RNF130: variants seen among roughly 807,000 people sequenced by gnomAD.
RNF130 encodes the protein ring finger protein 130.
In RNF130, 21 loss-of-function variants were observed where a neutral mutation model predicts 44.6. The ratio of observed to expected loss-of-function variants is 0.47; its 90% CI spans 0.33 to 0.68. The LOEUF is 0.68. Among genes scored for constraint, RNF130 ranks in the 30% least tolerant of loss-of-function variants. The probability of loss-of-function intolerance (pLI) is 0.02; values close to 1 mark genes in which losing one functional copy is unlikely to be tolerated. For synonymous variants in RNF130, 214 were observed against 210.4 expected (o/e 1.02, Z -0.15); for missense variants, 479 against 560.6 (o/e 0.85, Z 1.47).
Position 180,058,779 on chromosome 5 carries a change from C to G in RNF130, c.247+12677G>C, listed in dbSNP as rs956416067. On this transcript the variant is annotated intron_variant, in intron 1 of 8. Transcript: ENST00000521389. ...GTTTCACCATGTTAGCCAGGCTGGTCTCGAACTCGTGACCTCAAGTGATCT... is the reference window on the plus strand; with the variant it reads ...GTTTCACCATGTTAGCCAGGCTGGTGTCGAACTCGTGACCTCAAGTGATCT... Among the ~76,000 whole-genome samples, 3 of 152,044 alleles carry G rather than the reference C, an allele frequency of 2.0e-5. No individual in the cohort carries two copies. In the East Asian group the frequency reaches 5.8e-4, roughly 29 times the overall value.
At chr5:180,050,844 G>A (rs774979467) in intron 1 of RNF130, among the ~76,000 whole-genome samples, 6 of 152,200 alleles carry the variant, frequency 3.9e-5, no homozygotes, top group Non-Finnish European at 8.8e-5. Context: ...GTTTCACTCT[G>A]TCGCCCAGGG....
At chr5:179,988,220 G>C (rs934876126) in intron 3 of RNF130, among the ~76,000 whole-genome samples, 15 of 152,152 alleles carry the variant, frequency 9.9e-5, no homozygotes, top group African/African-American at 2.9e-4. Context: ...TTTCCAGTAT[G>C]TTAGTGTATA....
At chr5:179,946,554 A>ATTTT (rs397701505) in intron 7 of RNF130, among the ~76,000 whole-genome samples, 52 of 140,702 alleles carry the variant, frequency 3.7e-4, no homozygotes, top group African/African-American at 1.3e-3. Context: ...CCCACCGGGG[A>ATTTT]TTTTTTTTTT....
intron 2 of RNF130, among the ~76,000 whole-genome samples, chr5:180,015,915 T>C (rs1763716646): frequency 6.6e-6 from 1 of 152,224 alleles, no homozygotes; most frequent in Admixed American, 6.5e-5. Flanking sequence ...CATTCAACAA[T>C]ATTTATTGAG....
At chr5:180,044,095 C>G (rs1196419686) in intron 1 of RNF130, among the ~76,000 whole-genome samples, 1 of 152,120 alleles carries the variant, frequency 6.6e-6, no homozygotes, top group Non-Finnish European at 1.5e-5. Flanking sequence ...TACACTTGAG[C>G]AATTTATTAA....
intron 7 of RNF130, among the ~76,000 whole-genome samples, chr5:179,947,818 G>C (rs1762066671): frequency 6.6e-6 from 1 of 151,984 alleles, no homozygotes; most frequent in Non-Finnish European, 1.5e-5. Context: ...ACTGCATATG[G>C]TATATATATA....
chr5:180,033,696 T>TAA (rs34698128), intron 2 of RNF130, among the ~76,000 whole-genome samples: 6 of 148,984 alleles, frequency 4.0e-5, no homozygotes, highest in Admixed American at 3.3e-4. Context: ...ACTCTGCCTT[T>TAA]AAAAAAAAAA....
At chr5:179,944,674 A>ATCTCT (rs1352168141) in intron 7 of RNF130, among the ~76,000 whole-genome samples, 1 of 151,092 alleles carries the variant, frequency 6.6e-6, no homozygotes, top group African/African-American at 2.4e-5. Flanking sequence ...AGGTGGGAGG[A>ATCTCT]TCTCTTGAGT....
chr5:180,026,861 C>G (rs1236290760), intron 2 of RNF130, among the ~76,000 whole-genome samples: 2 of 152,126 alleles, frequency 1.3e-5, no homozygotes, highest in East Asian at 3.9e-4. Context: ...ATGACACAAA[C>G]TTTAACTGCA....
At chr5:179,936,800 G>C (rs921493135) in intron 7 of RNF130, among the ~76,000 whole-genome samples, 7 of 152,188 alleles carry the variant, frequency 4.6e-5, no homozygotes, top group African/African-American at 1.4e-4. Context: ...AAAATTGAGA[G>C]TCCAGAAATA....
intron 3 of RNF130, among the ~76,000 whole-genome samples, chr5:179,998,576 T>C (rs1763253048): frequency 6.6e-6 from 1 of 152,046 alleles, no homozygotes; most frequent in Non-Finnish European, 1.5e-5. Context: ...TGGGACTACA[T>C]GCAAGCAAAA....
At chr5:179,920,017 A>G (rs557593679) in exon 8 of RNF130, 5 of 334,430 alleles carry the variant, frequency 1.5e-5, no homozygotes, top group African/African-American at 6.1e-5. Context: ...TGCGTCTGCA[A>G]TGCAACATTA....
chr5:180,060,854 G>A (rs1295221122), intron 1 of RNF130, among the ~76,000 whole-genome samples: 1 of 152,114 alleles, frequency 6.6e-6, no homozygotes, highest in African/African-American at 2.4e-5. Context: ...CGGATCACGA[G>A]GTCGGGCGAT....
At chr5:180,068,954 A>G (rs967189213) in intron 1 of RNF130, among the ~76,000 whole-genome samples, 2 of 152,274 alleles carry the variant, frequency 1.3e-5, no homozygotes, top group East Asian at 3.8e-4. Context: ...TTATAAGAGC[A>G]TCAAGGTCAT....
chr5:179,990,661 T>C (rs746950453), intron 3 of RNF130, among the ~76,000 whole-genome samples: 1 of 152,152 alleles, frequency 6.6e-6, no homozygotes, highest in Non-Finnish European at 1.5e-5. Context: ...CGCTAGACCA[T>C]GGTCCGCTTG....
chr5:180,059,985 T>C (rs937505430), intron 1 of RNF130, among the ~76,000 whole-genome samples: 8 of 152,120 alleles, frequency 5.3e-5, no homozygotes, highest in African/African-American at 1.9e-4. Flanking sequence ...ACTGTCTGGG[T>C]GGGCCCAATG....
chr5:180,045,355 C>T (rs1296633087), intron 1 of RNF130, among the ~76,000 whole-genome samples: 2 of 152,138 alleles, frequency 1.3e-5, no homozygotes, highest in Non-Finnish European at 1.5e-5. Flanking sequence ...ATGGTATGTC[C>T]GGAGTTTCTT....
At chr5:180,034,120 ACT>A (rs1204860880) in intron 2 of RNF130, among the ~76,000 whole-genome samples, 1 of 149,318 alleles carries the variant, frequency 6.7e-6, no homozygotes, top group Non-Finnish European at 1.5e-5. Context: ...CATGATGGGT[ACT>A]GAGATTTTGT....
At chr5:179,920,408 C>T (rs1761611987) in exon 8 of RNF130, 6 of 701,926 alleles carry the variant, frequency 8.5e-6, no homozygotes, top group Admixed American at 4.0e-5. Context: ...CAAGGAGTTT[C>T]GATGAAAGAA....
Sources: allele counts gnomAD v4.1 joint callset (sites outside exome capture counted in the v4.1 genomes callset), GRCh38; gene constraint gnomAD v4.1.1; transcripts MANE v1.5; gene names NCBI Gene and HGNC (gene_info 2026-07-23, HGNC 2026-07-21).